TBC1D5: variants seen among roughly 807,000 people sequenced by gnomAD.
The protein encoded by TBC1D5 is TBC1 domain family, member 5.
A neutral mutation model predicts 100.3 loss-of-function variants in TBC1D5; 75 were observed. That is an observed-to-expected ratio of 0.75 (90% confidence interval 0.62 to 0.91). The LOEUF (loss-of-function observed/expected upper bound fraction) is 0.91. Among genes scored for constraint, TBC1D5 ranks in the 40% least tolerant of loss-of-function variants. TBC1D5 has a pLI of 0.00. For missense variants in TBC1D5, 910 were observed against 942.4 expected, an observed-to-expected ratio of 0.97 and a Z score of 0.45; for synonymous variants, 323 against 325.6, an observed-to-expected ratio of 0.99 and a Z score of 0.09.
intron 1 of TBC1D5, among the ~76,000 whole-genome samples, chr3:17,731,615 T>G (rs1454563194): frequency 2.6e-5 from 4 of 151,630 alleles, no homozygotes; most frequent in Non-Finnish European, 5.9e-5. Context: ...AAAGATTACC[T>G]ACCTGGCTGC....
In TBC1D5 at chr3:17,292,013, G is replaced by GA. The variant is rs760082963; in HGVS notation, c.1139-13dup. ...GTTACTAGAGATCACTAAATAAGAA[G>GA]AAAAAATAATTCAGATGCAATACTA... On this transcript the variant is annotated splice_polypyrimidine_tract_variant and intron_variant, in intron 14 of 21. Coordinates refer to ENST00000253692, the Ensembl canonical transcript of TBC1D5. The GA allele has an allele frequency of 3.7e-6, 6 of 1,600,272 alleles. No individual in the cohort carries two copies. The African/African-American group carries it at 8.1e-5, about 21-fold the overall frequency.
At chr3:17,409,912 G>T (rs1040272874) in intron 4 of TBC1D5, among the ~76,000 whole-genome samples, 6 of 152,188 alleles carry the variant, frequency 3.9e-5, no homozygotes, top group African/African-American at 1.4e-4. Context: ...TGATTGAGAA[G>T]CTGCAGTAAG....
chr3:17,623,904 A>G (rs1309768473), exon 2 of TBC1D5: 1 of 152,030 alleles, frequency 6.6e-6, no homozygotes, highest in Non-Finnish European at 1.5e-5. Context: ...TTATCTTGAT[A>G]CTGATATCAC....
intron 3 of TBC1D5, among the ~76,000 whole-genome samples, chr3:17,481,774 C>T (rs1406966751): frequency 2.6e-5 from 4 of 152,160 alleles, no homozygotes; most frequent in Admixed American, 1.3e-4. Flanking sequence ...TCGCTCTTGT[C>T]GCCCAGGATG....
chr3:17,374,419 A>C, intron 12 of TBC1D5, 52 bp downstream of exon 12: 1 of 1,515,674 alleles, frequency 6.6e-7, no homozygotes. Flanking sequence ...TTATTTATTG[A>C]AAGCATTTGC....
chr3:17,424,228 C>T (rs1286568643), intron 4 of TBC1D5, among the ~76,000 whole-genome samples: 2 of 152,124 alleles, frequency 1.3e-5, no homozygotes, highest in African/African-American at 4.8e-5. Flanking sequence ...TAATTAAAAA[C>T]ATGCAAGCAG....
chr3:17,210,238 A>T (rs1342029531), intron 18 of TBC1D5, among the ~76,000 whole-genome samples: 9 of 150,534 alleles, frequency 6.0e-5, no homozygotes, highest in Non-Finnish European at 1.5e-5. Context: ...CCCAGGCCTG[A>T]GTGCAGTGGC....
intron 9 of TBC1D5, among the ~76,000 whole-genome samples, chr3:17,383,114 A>C (rs1269772867): frequency 6.6e-6 from 1 of 151,998 alleles, no homozygotes; most frequent in Non-Finnish European, 1.5e-5. Context: ...ATGTTTTACT[A>C]TCCTTAAATC....
intron 1 of TBC1D5, among the ~76,000 whole-genome samples, chr3:17,683,512 C>A (rs2069793682): frequency 1.3e-5 from 2 of 152,126 alleles, no homozygotes; most frequent in African/African-American, 4.8e-5. Context: ...AGAAAGATGA[C>A]TAAATGTTAT....
chr3:17,403,536 T>G (rs1208097852), intron 7 of TBC1D5, among the ~76,000 whole-genome samples: 1 of 151,776 alleles, frequency 6.6e-6, no homozygotes, highest in Admixed American at 6.6e-5. Context: ...TCAAAAATAT[T>G]GGGAAAAAAT....
At chr3:17,472,779 T>C (rs548498565) in intron 3 of TBC1D5, among the ~76,000 whole-genome samples, 82 of 152,296 alleles carry the variant, frequency 5.4e-4, no homozygotes, top group Middle Eastern at 3.4e-3. Flanking sequence ...ACAATAAACA[T>C]CTGGGAGCAC....
At chr3:17,302,703 A>AAG (rs763844164) in intron 14 of TBC1D5, among the ~76,000 whole-genome samples, 5 of 152,174 alleles carry the variant, frequency 3.3e-5, no homozygotes, top group Non-Finnish European at 5.9e-5. Flanking sequence ...GAATCCCTAG[A>AAG]AGACATGCAC....
chr3:17,539,019 TA>T (rs776717092), intron 2 of TBC1D5, among the ~76,000 whole-genome samples: 1 of 152,010 alleles, frequency 6.6e-6, no homozygotes, highest in Admixed American at 6.6e-5. Flanking sequence ...CCATCTCTAC[TA>T]AAAATACAAA....
At position 17,420,094 on chromosome 3, in the gene TBC1D5, G is replaced by A. The variant is rs186476673; in HGVS notation, c.167+8356C>T. ...CTAGATCATGAGTGCCCCAAGGGCAGGGTCTGTGTTTAACTCCTCTTTGGG... is the reference window on the plus strand; with the variant it reads ...CTAGATCATGAGTGCCCCAAGGGCAAGGTCTGTGTTTAACTCCTCTTTGGG... On this transcript the variant is annotated intron_variant, in intron 4 of 21. Coordinates refer to ENST00000253692, the Ensembl canonical transcript of TBC1D5. 8.5e-5 allele frequency among the ~76,000 whole-genome samples: 13 copies of A among 152,134 alleles called. No individual in the cohort carries two copies. The East Asian group carries it at 2.5e-3, about 29-fold the overall frequency.
At chr3:17,483,133 G>A (rs957391862) in intron 3 of TBC1D5, among the ~76,000 whole-genome samples, 8 of 152,014 alleles carry the variant, frequency 5.3e-5, no homozygotes, top group South Asian at 2.1e-4. Context: ...TCTCACACCC[G>A]AACTTCGACT....
chr3:17,252,621 A>T (rs1417089808), intron 16 of TBC1D5, among the ~76,000 whole-genome samples: 1 of 152,224 alleles, frequency 6.6e-6, no homozygotes, highest in Non-Finnish European at 1.5e-5. Flanking sequence ...TCTTACCCCA[A>T]GAAAGCCTAG....
intron 17 of TBC1D5, among the ~76,000 whole-genome samples, chr3:17,228,482 T>C (rs1380798212): frequency 6.6e-6 from 1 of 152,162 alleles, no homozygotes; most frequent in Admixed American, 6.5e-5. Flanking sequence ...TCACAGGTTC[T>C]CTCTTGATAG....
At chr3:17,415,525 C>G (rs141565463) in intron 4 of TBC1D5, among the ~76,000 whole-genome samples, 3 of 152,132 alleles carry the variant, frequency 2.0e-5, no homozygotes, top group Middle Eastern at 3.4e-3. Flanking sequence ...TAAGAGCTTC[C>G]AAATCCAGGG....
intron 2 of TBC1D5, among the ~76,000 whole-genome samples, chr3:17,585,155 A>T (rs558346210): frequency 6.6e-6 from 1 of 152,324 alleles, no homozygotes; most frequent in South Asian, 2.1e-4. Context: ...CTAATAAAAA[A>T]TATTATTTTT....
Sources: allele counts gnomAD v4.1 joint callset (sites outside exome capture counted in the v4.1 genomes callset), GRCh38; gene constraint gnomAD v4.1.1; transcripts MANE v1.5; gene names NCBI Gene and HGNC (gene_info 2026-07-23, HGNC 2026-07-21).